The following INPP4B variants were observed in gnomAD, a reference collection of about 807,000 sequenced individuals.
The protein encoded by INPP4B is inositol polyphosphate 4-phosphatase type II.
INPP4B carries 55 observed loss-of-function variants against 122.5 expected under a neutral mutation model. The observed-to-expected ratio is 0.45, with a 90% CI of 0.36 to 0.56. The LOEUF is 0.56. INPP4B is among the 20% of genes least tolerant of loss of function. INPP4B has a pLI of 0.00. For synonymous variants in INPP4B, 403 were observed against 388.7 expected (o/e 1.04, Z -0.43); for missense variants, 1,000 against 1,097.7 (o/e 0.91, Z 1.26).
At chr4:142,318,523 T>C (rs1383508467) in intron 7 of INPP4B, among the ~76,000 whole-genome samples, 1 of 152,088 alleles carries the variant, frequency 6.6e-6, no homozygotes, top group Non-Finnish European at 1.5e-5. Flanking sequence ...GCAGTTCTTC[T>C]CTCTATTTTT....
intron 2 of INPP4B, chr4:142,514,239 C>G (rs568127471): frequency 6.6e-6 from 1 of 152,160 alleles, no homozygotes; most frequent in Non-Finnish European, 1.5e-5. Flanking sequence ...AATGCCTCTT[C>G]CCCATCAGCC....
chr4:142,388,799 T>G (rs1796757286), intron 7 of INPP4B, among the ~76,000 whole-genome samples: 1 of 152,192 alleles, frequency 6.6e-6, no homozygotes, highest in South Asian at 2.1e-4. Flanking sequence ...AATTGCACTA[T>G]CTTCTCCTTT....
At chr4:142,728,637 G>C (rs1274496678) in intron 1 of INPP4B, among the ~76,000 whole-genome samples, 1 of 152,112 alleles carries the variant, frequency 6.6e-6, no homozygotes, top group Non-Finnish European at 1.5e-5. Flanking sequence ...CAGACAGAGT[G>C]CCATATGACA....
At chr4:142,054,419 G>A (rs1756436906) in intron 25 of INPP4B, among the ~76,000 whole-genome samples, 1 of 152,034 alleles carries the variant, frequency 6.6e-6, no homozygotes, top group Non-Finnish European at 1.5e-5. Context: ...CTTAAATTGA[G>A]ACTGAAATGG....
At chr4:142,832,124 G>T (rs1005848874) in intron 1 of INPP4B, among the ~76,000 whole-genome samples, 2 of 152,132 alleles carry the variant, frequency 1.3e-5, no homozygotes, top group Non-Finnish European at 2.9e-5. Flanking sequence ...ATTTGATGGA[G>T]GTTGACATTT....
intron 1 of INPP4B, among the ~76,000 whole-genome samples, chr4:142,812,164 A>T (rs1779592460): frequency 6.6e-6 from 1 of 151,994 alleles, no homozygotes. Context: ...TCTTTGCTGA[A>T]CTCTATATTC....
intron 7 of INPP4B, among the ~76,000 whole-genome samples, chr4:142,345,633 C>A (rs181260642): frequency 6.6e-6 from 1 of 151,904 alleles, no homozygotes; most frequent in East Asian, 1.9e-4. Context: ...GCGTAGTATC[C>A]GAGCAGAGCT....
At chr4:142,029,360 T>C in intron 25 of INPP4B, 1 of 984,800 alleles carries the variant, frequency 1.0e-6, no homozygotes, top group Non-Finnish European at 1.2e-6. Context: ...AAAGAAAAAT[T>C]TCATCTCTAT....
chr4:142,381,792 T>A (rs1565306), intron 7 of INPP4B, among the ~76,000 whole-genome samples: 43,288 of 152,030 alleles, frequency 0.28, 7,631 homozygotes, highest in South Asian at 0.45. Context: ...CTTTTTTTCT[T>A]AAATAACCCG....
intron 2 of INPP4B, among the ~76,000 whole-genome samples, chr4:142,577,362 T>C (rs1296869986): frequency 1.3e-5 from 2 of 152,136 alleles, no homozygotes; most frequent in Admixed American, 6.6e-5. Context: ...CTCAGTAAGA[T>C]ACCATTGTAT....
chr4:142,624,995 G>A lies in INPP4B; in HGVS notation c.-191+100844C>T, dbSNP rs551922615. 1.3e-4 allele frequency among the ~76,000 whole-genome samples: 20 copies of A among 150,320 alleles called. 2 individuals carry two copies. In the South Asian group the frequency reaches 4.3e-3, roughly 32 times the overall value. On this transcript the variant is annotated intron_variant, in intron 2 of 25. Transcript: ENST00000262992. The stretch of plus-strand genomic sequence containing the variant: ...TGGGATGTATCTCAAAATAATAAGA[G>A]CTATCTATGACAAACCCACAGCCAA...
At chr4:142,625,873 G>A (rs539063120) in intron 2 of INPP4B, among the ~76,000 whole-genome samples, 3 of 152,114 alleles carry the variant, frequency 2.0e-5, no homozygotes, top group Non-Finnish European at 4.4e-5. Flanking sequence ...ACAAAAACAA[G>A]AAATGGGGAA....
intron 2 of INPP4B, among the ~76,000 whole-genome samples, chr4:142,511,845 C>T (rs1824760798): frequency 6.6e-6 from 1 of 152,120 alleles, no homozygotes; most frequent in South Asian, 2.1e-4. Flanking sequence ...TACAATAAAA[C>T]AATTTCCTCT....
At position 142,544,778 on chromosome 4, in the gene INPP4B, A is replaced by G. The variant is rs1829361212; in HGVS notation, c.-190-82052T>C. Among the ~76,000 whole-genome samples the G allele has an allele frequency of 2.0e-5, 3 of 152,146 alleles. No homozygotes were observed. In the South Asian group the frequency reaches 6.2e-4, roughly 32 times the overall value. On this transcript the variant is annotated intron_variant, in intron 2 of 25. Coordinates refer to ENST00000262992, the MANE Select transcript of INPP4B (RefSeq NM_001101669.3). Reference sequence around the variant, plus strand: ...GCCTGCCAGAGGAGGGGACTAAAGGAAGATTGAGTGTTGACTAATAAATTG... The same window carrying G: ...GCCTGCCAGAGGAGGGGACTAAAGGGAGATTGAGTGTTGACTAATAAATTG...
intron 25 of INPP4B, chr4:142,029,313 G>T (rs1014459980): frequency 2.0e-6 from 2 of 984,776 alleles, no homozygotes; most frequent in South Asian, 4.7e-5. Flanking sequence ...CTAGAAATAA[G>T]GCATTTAATT....
At chr4:142,284,082 A>G (rs1257226994) in intron 9 of INPP4B, among the ~76,000 whole-genome samples, 1 of 152,130 alleles carries the variant, frequency 6.6e-6, no homozygotes, top group Non-Finnish European at 1.5e-5. Context: ...GCCATTACTG[A>G]TCATGACAAA....
intron 25 of INPP4B, among the ~76,000 whole-genome samples, chr4:142,076,938 C>T (rs929422408): frequency 6.6e-6 from 1 of 151,864 alleles, no homozygotes. Flanking sequence ...TTTTTTATTT[C>T]AACAATAATT....
chr4:142,152,090 T>TTTTTTTTTTTTTTTTTTTTTTTTTTTTTC (rs1814352756), intron 17 of INPP4B, among the ~76,000 whole-genome samples: 1 of 114,384 alleles, frequency 8.7e-6, no homozygotes, highest in African/African-American at 4.0e-5. Context: ...TTTTTTTTTT[T>TTTTTTTTTTTTTTTTTTTTTTTTTTTTTC]TTTGACGGAG....
At chr4:142,141,977 C>A (rs1428063787) in intron 18 of INPP4B, among the ~76,000 whole-genome samples, 5 of 151,824 alleles carry the variant, frequency 3.3e-5, no homozygotes, top group Non-Finnish European at 7.4e-5. Context: ...AACAAAATTC[C>A]AGAATTTGAT....
Sources: allele counts gnomAD v4.1 joint callset (sites outside exome capture counted in the v4.1 genomes callset), GRCh38; gene constraint gnomAD v4.1.1; transcripts MANE v1.5; gene names NCBI Gene and HGNC (gene_info 2026-07-23, HGNC 2026-07-21).